Variants in GALNT8 observed in about 807,000 individuals in gnomAD.
GALNT8 encodes the protein probable polypeptide N-acetylgalactosaminyltransferase 8.
GALNT8 carries 66 observed loss-of-function variants against 62.7 expected under a neutral mutation model. That is an observed-to-expected ratio of 1.05 (90% confidence interval 0.86 to 1.29). The LOEUF is 1.29. Among genes scored for constraint, GALNT8 ranks in the 50% most tolerant of loss-of-function variants. The probability of loss-of-function intolerance (pLI) is 0.00; values close to 1 mark genes in which losing one functional copy is unlikely to be tolerated. For synonymous variants in GALNT8, 288 were observed against 294.3 expected, an observed-to-expected ratio of 0.98 and a Z score of 0.22; for missense variants, 771 against 791.8, an observed-to-expected ratio of 0.97 and a Z score of 0.32.
chr12:4,747,453 T>G (rs913070357), intron 6 of GALNT8, among the ~76,000 whole-genome samples: 2 of 152,204 alleles, frequency 1.3e-5, no homozygotes, highest in African/African-American at 4.8e-5. Flanking sequence ...AAATTTCACA[T>G]GTAAGTGAGA....
chr12:4,723,255 G>A (rs113970539), intron 1 of GALNT8, among the ~76,000 whole-genome samples: 63 of 152,340 alleles, frequency 4.1e-4, no homozygotes, highest in African/African-American at 1.5e-3. Flanking sequence ...GGGATGAAGG[G>A]AAGAGTGATA....
intron 3 of GALNT8, among the ~76,000 whole-genome samples, chr12:4,740,384 C>T (rs955990235): frequency 6.6e-6 from 1 of 151,838 alleles, no homozygotes; most frequent in African/African-American, 2.4e-5. Context: ...ATCATAATGG[C>T]AGCTAACATT....
chr12:4,746,325 C>T (rs1308607520), intron 6 of GALNT8, 67 bp downstream of exon 6: 1 of 886,958 alleles, frequency 1.1e-6, no homozygotes, highest in Non-Finnish European at 1.9e-6. Flanking sequence ...GTAGTAGGAC[C>T]CCTGGAATCC....
chr12:4,748,063 G>T (rs554866404), intron 6 of GALNT8, among the ~76,000 whole-genome samples: 3 of 151,968 alleles, frequency 2.0e-5, no homozygotes, highest in Admixed American at 6.6e-5. Flanking sequence ...TTTTTGATTG[G>T]ATTATTAAAT....
chr12:4,727,441 A>G (rs1405886929), intron 2 of GALNT8, among the ~76,000 whole-genome samples: 1 of 152,214 alleles, frequency 6.6e-6, no homozygotes, highest in Non-Finnish European at 1.5e-5. Flanking sequence ...GTTATTTACT[A>G]TTCCCACAAT....
intron 10 of GALNT8, among the ~76,000 whole-genome samples, chr12:4,771,746 G>T (rs1946425390): frequency 6.6e-6 from 1 of 152,180 alleles, no homozygotes. Flanking sequence ...AGAGGGCCGG[G>T]AGCAGAGGGC....
In GALNT8 at chr12:4,772,499, CT is replaced by C. The variant is rs1369698329; in HGVS notation, c.1820del (p.Leu607TrpfsTer?). On this transcript the variant is annotated frameshift_variant, in exon 11 of 11. Transcript: ENST00000252318. LOFTEE classifies it low-confidence loss of function (END_TRUNC). ...TKRCLEMKKDLLGSHVLVLQT... is the reference protein window; with the variant it reads ...TKRCLEMKKDXLGSHVLVLQT... Reference sequence around the variant, plus strand: ...GCGGTGTCTGGAGATGAAGAAGGATCTTTTGGGTAGCCACGTGCTTGTGCTC... The same window carrying C: ...GCGGTGTCTGGAGATGAAGAAGGATCTTTGGGTAGCCACGTGCTTGTGCTC... The C allele has an allele frequency of 1.9e-6, 3 of 1,613,652 alleles. No individual in the cohort carries two copies. In the Admixed American group the frequency reaches 5.0e-5, roughly 27 times the overall value.
intron 6 of GALNT8, among the ~76,000 whole-genome samples, chr12:4,750,018 T>G (rs996521661): frequency 6.6e-6 from 1 of 152,172 alleles, no homozygotes; most frequent in African/African-American, 2.4e-5. Flanking sequence ...AATGTCTTTT[T>G]CAATTCTATT....
chr12:4,752,388 A>C (rs1946325943), intron 6 of GALNT8, among the ~76,000 whole-genome samples: 1 of 150,840 alleles, frequency 6.6e-6, no homozygotes, highest in Non-Finnish European at 1.5e-5. Context: ...GATATGATTT[A>C]GTTTCTTGCT....
At chr12:4,745,763 A>G in intron 5 of GALNT8, 137 bp downstream of exon 5, 2 of 675,484 alleles carry the variant, frequency 3.0e-6, no homozygotes, top group Non-Finnish European at 5.2e-6. Flanking sequence ...AGGACAAGGG[A>G]TAGAGGGAAA....
At chr12:4,748,866 T>G (rs943694926) in intron 6 of GALNT8, among the ~76,000 whole-genome samples, 8 of 152,182 alleles carry the variant, frequency 5.3e-5, no homozygotes, top group African/African-American at 1.7e-4. Context: ...ATCTTTCCAT[T>G]TTTTGGTGTC....
chr12:4,723,936 G>C (rs1464495088), intron 1 of GALNT8, among the ~76,000 whole-genome samples: 1 of 151,786 alleles, frequency 6.6e-6, no homozygotes, highest in Non-Finnish European at 1.5e-5. Flanking sequence ...GGATCACGAG[G>C]TCAGGAGATC....
chr12:4,751,120 A>C (rs1946320847), intron 6 of GALNT8, among the ~76,000 whole-genome samples: 1 of 152,182 alleles, frequency 6.6e-6, no homozygotes, highest in African/African-American at 2.4e-5. Context: ...CATATACAAA[A>C]ATTAACTCAA....
Position 4,720,744 on chromosome 12 carries a change from C to G in GALNT8, c.67C>G (p.Leu23Val). 6.2e-7 allele frequency: 1 copy of G among 1,613,574 alleles called. No individual in the cohort carries two copies. The highest frequency in any genetic ancestry group is 8.5e-7 in the Non-Finnish European group (1 of 1,179,448). ...IGLTLAIAVN[L>V]LLVFSSKGTL... ...GCTGACTCTGGCCATTGCTGTCAAT[C>G]TCCTTCTGGTATTTTCTAGCAAGGG... Residue 23 changes from leucine to valine, a missense_variant, in exon 1 of 11, where the codon CTC becomes GTC. By Grantham distance (32) the Leu-to-Val change is conservative. Coordinates refer to ENST00000252318, the MANE Select transcript of GALNT8 (RefSeq NM_017417.2).
intron 3 of GALNT8, among the ~76,000 whole-genome samples, chr12:4,743,523 A>C (rs533773102): frequency 2.6e-5 from 4 of 152,330 alleles, no homozygotes; most frequent in Non-Finnish European, 5.9e-5. Context: ...ACTGGCAAGA[A>C]TCTCGTTCCT....
At chr12:4,762,305 A>G (rs1946376805) in intron 7 of GALNT8, among the ~76,000 whole-genome samples, 2 of 152,232 alleles carry the variant, frequency 1.3e-5, no homozygotes, top group Admixed American at 1.3e-4. Flanking sequence ...AGGATGATCT[A>G]AATTTTTACA....
At chr12:4,745,656 G>A (rs2137532643) in intron 5 of GALNT8, 30 bp downstream of exon 5, 1 of 1,508,186 alleles carries the variant, frequency 6.6e-7, no homozygotes, top group South Asian at 1.1e-5. Context: ...GGGAACTTGA[G>A]TAGCATGTGG....
rs758369740 is a variant in GALNT8, at chr12:4,739,213, T to G, written c.560T>G (p.Leu187Arg). The G allele has an allele frequency of 6.2e-7, 1 of 1,610,168 alleles. No homozygotes were observed. Among genetic ancestry groups the G allele is most frequent in the African/African-American group, 1.3e-5 (1 of 74,848 alleles). ...CAACTCCCATCCCTCAGTGTCATTC[T>G]CATATTCGTGAATGAAGCTCTGTCC... ...PSQLPSLSVI[L>R]IFVNEALSII... Residue 187 changes from leucine (L) to arginine (R), a missense_variant, in exon 3 of 11, where the codon CTC becomes CGC. By Grantham distance (102) the Leu-to-Arg change is moderately radical (BLOSUM62 -2). Transcript: ENST00000252318.
At chr12:4,757,846 G>A (rs1469331007) in intron 6 of GALNT8, among the ~76,000 whole-genome samples, 5 of 152,084 alleles carry the variant, frequency 3.3e-5, no homozygotes, top group Admixed American at 6.6e-5. Context: ...CTTTATTTAC[G>A]GTACTTAGCA....
Sources: gnomAD v4.1 joint callset for allele counts (sites outside exome capture counted in the v4.1 genomes callset) on GRCh38, gnomAD v4.1.1 for gene constraint, MANE v1.5 for transcripts, NCBI Gene and HGNC (gene_info 2026-07-23, HGNC 2026-07-21) for gene names.